The following ROR2 variants were observed in gnomAD, a reference collection of about 807,000 sequenced individuals.
The protein encoded by ROR2 is tyrosine-protein kinase transmembrane receptor ROR2.
In ROR2, 33 loss-of-function variants were observed where a neutral mutation model predicts 74.9. The ratio of observed to expected loss-of-function variants is 0.44; its 90% CI spans 0.33 to 0.59. ROR2 has a LOEUF of 0.59. ROR2 is among the 20% of genes least tolerant of loss of function. The probability of loss-of-function intolerance (pLI) is 0.02; values close to 1 mark genes in which losing one functional copy is unlikely to be tolerated. For missense variants in ROR2, 1,216 were observed against 1,313.8 expected, an observed-to-expected ratio of 0.93 and a Z score of 1.15; for synonymous variants, 586 against 558.7, an observed-to-expected ratio of 1.05 and a Z score of -0.69.
chr9:91,777,854 TGTA>T (rs1300873874), intron 1 of ROR2, among the ~76,000 whole-genome samples: 1 of 152,090 alleles, frequency 6.6e-6, no homozygotes, highest in Non-Finnish European at 1.5e-5. Flanking sequence ...ATGCATGCCC[TGTA>T]GTAGCAAAAA....
chr9:91,726,977 C>T lies in ROR2; in HGVS notation c.1184-234G>A, dbSNP rs369608321. On this transcript the variant is annotated intron_variant, in intron 7 of 8. Transcript: ENST00000375708. ...AACCCAAAACTGCCCAACCTGGAAA[C>T]AAGCGGGAATATGCAGTATAAAAAG... Among the ~76,000 whole-genome samples the T allele has an allele frequency of 2.0e-5, 3 of 152,314 alleles. No homozygotes were observed. The East Asian group carries it at 5.8e-4, about 29-fold the overall frequency.
chr9:91,767,265 G>C (rs1357653212), intron 2 of ROR2, among the ~76,000 whole-genome samples: 1 of 151,964 alleles, frequency 6.6e-6, no homozygotes, highest in African/African-American at 2.4e-5. Context: ...AATAGAGACG[G>C]GGTTTCACTA....
intron 2 of ROR2, among the ~76,000 whole-genome samples, chr9:91,775,227 C>T (rs945349284): frequency 7.9e-5 from 12 of 152,228 alleles, no homozygotes; most frequent in African/African-American, 2.7e-4. Context: ...TTAGCAAACA[C>T]GTCAGTTCCT....
Position 91,728,262 on chromosome 9 carries a change from T to TA in ROR2, c.1184-1520dup, listed in dbSNP as rs200934571. 2.6e-4 allele frequency among the ~76,000 whole-genome samples: 39 copies of TA among 152,366 alleles called. No individual in the cohort carries two copies. The East Asian group carries it at 6.4e-3, about 25-fold the overall frequency. ...TAACAGTCCTCTTTCCCAAAGGCTA[T>TA]AAATGGTTAAGTTTCGTGTTCTCCT... On this transcript the variant is annotated intron_variant, in intron 7 of 8. Coordinates refer to ENST00000375708, the MANE Select transcript of ROR2 (RefSeq NM_004560.4).
At chr9:91,817,366 C>T (rs747549779) in intron 1 of ROR2, among the ~76,000 whole-genome samples, 21 of 152,200 alleles carry the variant, frequency 1.4e-4, no homozygotes, top group Non-Finnish European at 2.9e-4. Flanking sequence ...CAGACCAATG[C>T]AGCTATAGGA....
chr9:91,806,539 G>GA (rs1827552577), intron 1 of ROR2, among the ~76,000 whole-genome samples: 1 of 152,178 alleles, frequency 6.6e-6, no homozygotes, highest in African/African-American at 2.4e-5. Context: ...TTGGAGAGAG[G>GA]AAAACAGCAA....
At chr9:91,875,262 C>A (rs1041706002) in intron 1 of ROR2, among the ~76,000 whole-genome samples, 2 of 152,104 alleles carry the variant, frequency 1.3e-5, no homozygotes, top group African/African-American at 4.8e-5. Context: ...TTTAAATGAA[C>A]AAGAATTTGA....
rs547397276 is a variant in ROR2 at position 91,784,407 on chromosome 9, C to A, written c.98-8589G>T. Among the ~76,000 whole-genome samples, 5 of 152,324 alleles carry A rather than the reference C, an allele frequency of 3.3e-5. No homozygotes were observed. In the East Asian group the frequency reaches 9.6e-4, roughly 29 times the overall value. On this transcript the variant is annotated intron_variant, in intron 1 of 8. Transcript: ENST00000375708. ...AAGGGGCTTCAAATCCTGTCACCTA[C>A]AAAACATGGGTGAAGTTCAGATGCA...
chr9:91,853,711 G>C (rs1384270053), intron 1 of ROR2, among the ~76,000 whole-genome samples: 2 of 152,200 alleles, frequency 1.3e-5, no homozygotes, highest in Non-Finnish European at 2.9e-5. Flanking sequence ...CCCACTCTGA[G>C]AATCTACAGT....
intron 1 of ROR2, among the ~76,000 whole-genome samples, chr9:91,818,034 G>A (rs1361528656): frequency 1.3e-5 from 2 of 152,172 alleles, no homozygotes; most frequent in African/African-American, 4.8e-5. Flanking sequence ...GTGATCACAT[G>A]AGCCTTTGCT....
intron 1 of ROR2, among the ~76,000 whole-genome samples, chr9:91,884,440 G>T: frequency 7.1e-6 from 1 of 140,716 alleles, no homozygotes; most frequent in South Asian, 2.3e-4. Context: ...CCTACAAAAA[G>T]AATTACTTAC....
At chr9:91,746,930 G>A (rs1041030888) in intron 4 of ROR2, among the ~76,000 whole-genome samples, 2 of 152,078 alleles carry the variant, frequency 1.3e-5, no homozygotes, top group Non-Finnish European at 2.9e-5. Context: ...CATGGGGTGG[G>A]TCCAGGACAG....
chr9:91,896,808 T>C lies in ROR2; in HGVS notation c.97+53059A>G, dbSNP rs143564013. 2.8e-4 allele frequency among the ~76,000 whole-genome samples: 43 copies of C among 152,350 alleles called. 1 individual carries two copies. The highest frequency in any genetic ancestry group is 1.0e-3 in the African/African-American group (42 of 41,574). ...AACCTGCATTTTTCTTATTACTTTC[T>C]AATCATTTTACCACCAACATAAAGG... is the stretch of plus-strand genomic sequence containing the variant. On this transcript the variant is annotated intron_variant, in intron 1 of 8. Transcript: ENST00000375708.
At chr9:91,827,966 C>T (rs1246260169) in intron 1 of ROR2, among the ~76,000 whole-genome samples, 1 of 152,232 alleles carries the variant, frequency 6.6e-6, no homozygotes, top group Non-Finnish European at 1.5e-5. Context: ...CAGTAAAGAT[C>T]TCCTTTCACC....
Position 91,760,607 on chromosome 9 carries a change from C to A in ROR2, c.176-3048G>T, listed in dbSNP as rs376882412. 2.3e-3 allele frequency among the ~76,000 whole-genome samples: 343 copies of A among 148,968 alleles called. 1 individual carries two copies. The highest frequency in any genetic ancestry group is 8.0e-3 in the African/African-American group (323 of 40,294). Reference sequence around the variant, plus strand: ...CGAGATCGCGCCACTGCACTCCGGCCTGGGTGACAGAGCGAGACTCTGTCT... The same window carrying A: ...CGAGATCGCGCCACTGCACTCCGGCATGGGTGACAGAGCGAGACTCTGTCT... On this transcript the variant is annotated intron_variant, in intron 2 of 8. Transcript: ENST00000375708.
chr9:91,936,971 A>G (rs1159579381), intron 1 of ROR2, among the ~76,000 whole-genome samples: 1 of 141,000 alleles, frequency 7.1e-6, no homozygotes, highest in Non-Finnish European at 1.5e-5. Context: ...CGGAGCTTGC[A>G]GTGAGCCGAG....
intron 4 of ROR2, among the ~76,000 whole-genome samples, chr9:91,739,513 TAAAA>T (rs71362359): frequency 9.5e-6 from 1 of 105,594 alleles, no homozygotes; most frequent in African/African-American, 3.6e-5. Flanking sequence ...TCTTTAAATT[TAAAA>T]AAAAAAAAAA....
intron 1 of ROR2, among the ~76,000 whole-genome samples, chr9:91,832,844 A>C (rs1374521067): frequency 6.6e-6 from 1 of 152,216 alleles, no homozygotes; most frequent in African/African-American, 2.4e-5. Context: ...CAGCAACTAG[A>C]AATACAACGT....
In ROR2 at chr9:91,730,963, C is replaced by A. The variant is rs192352426; in HGVS notation, c.1130G>T (p.Cys377Phe). ...GCGTACGTTTTTATTCTGCGTAAAG[C>A]ACCAGGGGCCCTCCATCTGGCCTCC... is the stretch of plus-strand genomic sequence containing the variant. The part of the protein sequence containing the change: ...NPGGQMEGPW[C>F]FTQNKNVRME... The change falls in exon 7 of 9, where the codon TGC becomes TTC. Residue 377 changes from cysteine to phenylalanine, a missense_variant. Cys to Phe is a radical substitution (Grantham distance 205). Transcript: ENST00000375708. The A allele has an allele frequency of 6.2e-7, 1 of 1,614,214 alleles. No homozygotes were observed. Among genetic ancestry groups the A allele is most frequent in the African/African-American group, 1.3e-5 (1 of 75,056 alleles).
Sources: allele counts gnomAD v4.1 joint callset (sites outside exome capture counted in the v4.1 genomes callset), GRCh38; gene constraint gnomAD v4.1.1; transcripts MANE v1.5; gene names NCBI Gene and HGNC (gene_info 2026-07-23, HGNC 2026-07-21).